SPTBN1: variants seen among roughly 807,000 people sequenced by gnomAD.
The protein encoded by SPTBN1 is spectrin beta chain, non-erythrocytic 1.
A neutral mutation model predicts 266.4 loss-of-function variants in SPTBN1; 32 were observed. The ratio of observed to expected loss-of-function variants is 0.12; its 90% confidence interval spans 0.09 to 0.16. The LOEUF is 0.16. Among genes scored for constraint, SPTBN1 ranks in the 10% least tolerant of loss-of-function variants. SPTBN1 has a pLI of 1.00. For synonymous variants in SPTBN1, 1,336 were observed against 1,162.2 expected (o/e 1.15, Z -3.04); for missense variants, 2,296 against 3,067.1 (o/e 0.75, Z 5.94).
chr2:54,659,400 T>G (rs1031010736), intron 31 of SPTBN1, 134 bp downstream of exon 31: 1 of 837,616 alleles, frequency 1.2e-6, no homozygotes, highest in African/African-American at 1.7e-5. Flanking sequence ...ATAGACTGTT[T>G]AAAGGCTGTA....
rs77723451 is a variant in SPTBN1 at position 54,595,303 on chromosome 2, C to T, written c.149-3789C>T. Among the ~76,000 whole-genome samples the T allele has an allele frequency of 8.0e-3, 1,211 of 152,128 alleles. 17 individuals are homozygous for T. The highest frequency in any genetic ancestry group is 0.028 in the African/African-American group (1,151 of 41,502). On this transcript the variant is annotated intron_variant, in intron 2 of 35. Transcript: ENST00000356805. ...TATAATACGTAAGCTTAGTAAACTG[C>T]GGGAGGGTGGGGGCAAATATAGCTG... is the stretch of plus-strand genomic sequence containing the variant.
At chr2:54,550,463 G>A (rs1220551540) in intron 2 of SPTBN1, among the ~76,000 whole-genome samples, 1 of 152,168 alleles carries the variant, frequency 6.6e-6, no homozygotes, top group African/African-American at 2.4e-5. Flanking sequence ...ATCGGTACCT[G>A]TTTTTCAAAG....
intron 2 of SPTBN1, among the ~76,000 whole-genome samples, chr2:54,586,150 G>A (rs1055829393): frequency 4.6e-5 from 7 of 152,136 alleles, no homozygotes; most frequent in East Asian, 1.9e-4. Flanking sequence ...GTTTGGAGAC[G>A]ACTTTACCCC....
intron 2 of SPTBN1, among the ~76,000 whole-genome samples, chr2:54,566,707 T>C (rs1413274149): frequency 6.6e-6 from 1 of 152,026 alleles, no homozygotes; most frequent in African/African-American, 2.4e-5. Flanking sequence ...GGTACACGCC[T>C]GTAGTCCCAG....
At chr2:54,548,020 A>G (rs539902974) in intron 2 of SPTBN1, among the ~76,000 whole-genome samples, 39 of 152,212 alleles carry the variant, frequency 2.6e-4, no homozygotes, top group African/African-American at 8.4e-4. Flanking sequence ...GCGGGTGCCT[A>G]TAGTTCCAGC....
intron 2 of SPTBN1, among the ~76,000 whole-genome samples, chr2:54,571,419 C>T (rs1573440101): frequency 6.6e-6 from 1 of 152,078 alleles, no homozygotes; most frequent in South Asian, 2.1e-4. Flanking sequence ...CACCGTTTGC[C>T]AGGGAGTTTT....
At chr2:54,660,208 T>C (rs1045446035) in intron 32 of SPTBN1, 6 of 1,434,304 alleles carry the variant, frequency 4.2e-6, no homozygotes, top group African/African-American at 2.8e-5. Context: ...TGGTTTCATA[T>C]TTGTTTGCAT....
chr2:54,462,551 G>A (rs1053737254), intron 1 of SPTBN1, among the ~76,000 whole-genome samples: 4 of 152,084 alleles, frequency 2.6e-5, no homozygotes, highest in African/African-American at 9.7e-5. Flanking sequence ...TTTATTTAAT[G>A]AATAATTATT....
At chr2:54,482,067 G>A (rs1021831757) in intron 1 of SPTBN1, among the ~76,000 whole-genome samples, 4 of 152,266 alleles carry the variant, frequency 2.6e-5, no homozygotes, top group South Asian at 2.1e-4. Context: ...TGATGAGTGG[G>A]ATATTTGGCC....
chr2:54,565,090 A>C (rs1673577616), intron 2 of SPTBN1, among the ~76,000 whole-genome samples: 1 of 152,136 alleles, frequency 6.6e-6, no homozygotes, highest in African/African-American at 2.4e-5. Context: ...TCCACTTCTC[A>C]CCTACTGAAT....
intron 1 of SPTBN1, among the ~76,000 whole-genome samples, chr2:54,510,095 A>G (rs1174711290): frequency 6.6e-6 from 1 of 151,626 alleles, no homozygotes; most frequent in Non-Finnish European, 1.5e-5. Flanking sequence ...AGTAGCTGGG[A>G]TTACAGGCAC....
chr2:54,604,443 C>T (rs1268711958), intron 3 of SPTBN1, among the ~76,000 whole-genome samples: 1 of 152,036 alleles, frequency 6.6e-6, no homozygotes, highest in Non-Finnish European at 1.5e-5. Flanking sequence ...AATCCTGATG[C>T]CTTGCAGAGT....
At chr2:54,590,760 G>A (rs78257208) in intron 2 of SPTBN1, among the ~76,000 whole-genome samples, 7,308 of 152,290 alleles carry the variant, frequency 0.048, 218 homozygotes, top group Middle Eastern at 0.13. Context: ...AACAAAAGAC[G>A]GCATGTCAGG....
rs1671387746 is a variant in SPTBN1 at position 54,533,372 on chromosome 2, GTGT to G, written c.148+6807_148+6809del. On this transcript the variant is annotated intron_variant, in intron 2 of 35. Coordinates refer to ENST00000356805, the MANE Select transcript of SPTBN1 (RefSeq NM_003128.3). This position sits in a 1 kb window ranked among gnomAD's most constrained non-coding sequence, Gnocchi z 4.2. Reference sequence around the variant, plus strand: ...CTAGTGTGTGTGTGTGTGTGTGTGTGTGTGTGTGTGTGTGTGTGTGTGTCTAAA... The same window carrying G: ...CTAGTGTGTGTGTGTGTGTGTGTGTGGTGTGTGTGTGTGTGTGTGTCTAAA... Among the ~76,000 whole-genome samples the G allele has an allele frequency of 6.6e-6, 1 of 151,532 alleles. No homozygotes were observed. Among genetic ancestry groups the G allele is most frequent in the African/African-American group, 2.4e-5 (1 of 41,168 alleles).
At chr2:54,612,388 A>T in intron 4 of SPTBN1, 54 bp downstream of exon 4, 1 of 1,552,550 alleles carries the variant, frequency 6.4e-7, no homozygotes, top group South Asian at 1.2e-5. Flanking sequence ...CTCAGGTATG[A>T]GCATTGTTAT....
intron 2 of SPTBN1, among the ~76,000 whole-genome samples, chr2:54,567,366 CAG>C (rs1162404622): frequency 2.0e-5 from 3 of 151,974 alleles, no homozygotes; most frequent in Admixed American, 6.5e-5. Flanking sequence ...TTTTTGGAAA[CAG>C]GGTCTCTGTC....
At position 54,657,996 on chromosome 2, in the gene SPTBN1, T is replaced by C; in HGVS notation, c.6193T>C (p.Ser2065Pro). 6.2e-7 allele frequency: 1 copy of C among 1,614,240 alleles called. No individual in the cohort carries two copies. Among genetic ancestry groups the C allele is most frequent in the Non-Finnish European group, 8.5e-7 (1 of 1,180,032 alleles). The change falls in exon 30 of 36, where the codon TCT becomes CCT. Residue 2065 changes from serine (S) to proline (P), a missense_variant. Ser to Pro is a moderately conservative substitution (Grantham distance 74). Transcript: ENST00000356805. Reference protein sequence around the residue: ...LIKRHEAFEKSAATWDERFSA... With the variant: ...LIKRHEAFEKPAATWDERFSA... ...CAAGCGCCACGAGGCATTTGAAAAG[T>C]CTGCAGCAACCTGGGATGAGAGGTT...
intron 8 of SPTBN1, 98 bp downstream of exon 8, chr2:54,621,610 T>G: frequency 1.2e-6 from 1 of 869,362 alleles, no homozygotes; most frequent in Admixed American, 1.8e-5. Flanking sequence ...TAGCAATTTG[T>G]AGTGGACTCT....
chr2:54,625,072 C>G (rs1268001881), intron 11 of SPTBN1, 110 bp downstream of exon 11: 1 of 1,357,274 alleles, frequency 7.4e-7, no homozygotes, highest in African/African-American at 1.5e-5. Context: ...ATTCATTATT[C>G]TGGAGGAACG....
Sources: gnomAD v4.1 joint callset for allele counts (sites outside exome capture counted in the v4.1 genomes callset) on GRCh38, gnomAD v4.1.1 for gene constraint, Gnocchi (gnomAD v3.1) non-coding constraint, MANE v1.5 for transcripts, NCBI Gene and HGNC (gene_info 2026-07-23, HGNC 2026-07-21) for gene names.